VRK2: variants seen among roughly 807,000 people sequenced by gnomAD.
VRK2 encodes serine/threonine-protein kinase VRK2.
VRK2 carries 60 observed loss-of-function variants against 57.6 expected under a neutral mutation model. The observed-to-expected ratio is 1.04, with a 90% CI of 0.85 to 1.29. The LOEUF is 1.29. VRK2 is among the 50% of genes most tolerant of loss of function. The pLI is 0.00. For synonymous variants in VRK2, 231 were observed against 199.2 expected (o/e 1.16, Z -1.35); for missense variants, 705 against 588.1 (o/e 1.20, Z -2.06).
intron 1 of VRK2, among the ~76,000 whole-genome samples, chr2:57,922,223 T>G (rs376558605): frequency 2.3e-3 from 350 of 152,046 alleles, no homozygotes; most frequent in Non-Finnish European, 4.0e-3. Flanking sequence ...GCCTTTAAAT[T>G]GAAAGAAATT....
chr2:57,994,158 T>C (rs1672853984), intron 1 of VRK2, among the ~76,000 whole-genome samples: 1 of 152,162 alleles, frequency 6.6e-6, no homozygotes, highest in African/African-American at 2.4e-5. Context: ...AAAGAAAACT[T>C]TATGGTCATT....
At chr2:57,924,829 T>C (rs1670478401) in intron 1 of VRK2, among the ~76,000 whole-genome samples, 1 of 152,048 alleles carries the variant, frequency 6.6e-6, no homozygotes, top group Admixed American at 6.6e-5. Flanking sequence ...TATGTGATAC[T>C]AACTGTGGGT....
At chr2:58,072,496 G>A (rs1669494498) in intron 2 of VRK2, among the ~76,000 whole-genome samples, 1 of 151,716 alleles carries the variant, frequency 6.6e-6, no homozygotes, top group Non-Finnish European at 1.5e-5. Context: ...TTTGCCAAAT[G>A]GTTTTGTTTT....
chr2:57,957,565 G>GAT (rs1317494594), intron 1 of VRK2, among the ~76,000 whole-genome samples: 2 of 147,198 alleles, frequency 1.4e-5, no homozygotes, highest in African/African-American at 2.5e-5. Context: ...AGTATATGTA[G>GAT]ATATATATAC....
At chr2:57,983,659 TA>T (rs1247402286) in intron 1 of VRK2, among the ~76,000 whole-genome samples, 1 of 152,136 alleles carries the variant, frequency 6.6e-6, no homozygotes, top group Non-Finnish European at 1.5e-5. Flanking sequence ...TTACTGTCAA[TA>T]AGAGGGAATT....
intron 1 of VRK2, among the ~76,000 whole-genome samples, chr2:57,926,975 C>A (rs1243598144): frequency 8.1e-6 from 1 of 124,002 alleles, no homozygotes; most frequent in African/African-American, 2.9e-5. Context: ...AGGTAGTTTT[C>A]TCTGGTAATA....
At chr2:58,067,624 T>G (rs1018307940) in intron 2 of VRK2, among the ~76,000 whole-genome samples, 1 of 152,098 alleles carries the variant, frequency 6.6e-6, no homozygotes, top group African/African-American at 2.4e-5. Flanking sequence ...GTTATTTTCT[T>G]TATAATTTTT....
At chr2:57,956,380 A>G (rs914289873) in intron 1 of VRK2, among the ~76,000 whole-genome samples, 3 of 152,122 alleles carry the variant, frequency 2.0e-5, no homozygotes, top group Admixed American at 6.6e-5. Context: ...GTGAGACCCT[A>G]TCTGTAAAAT....
At chr2:57,943,825 C>G (rs540430635) in intron 1 of VRK2, among the ~76,000 whole-genome samples, 1 of 152,150 alleles carries the variant, frequency 6.6e-6, no homozygotes, top group Admixed American at 6.5e-5. Context: ...TTCTCTGAAA[C>G]AGAGGTCAGC....
At chr2:58,136,631 C>A (rs1043068368) in intron 10 of VRK2, among the ~76,000 whole-genome samples, 18 of 151,672 alleles carry the variant, frequency 1.2e-4, no homozygotes, top group South Asian at 4.2e-4. Context: ...TGATCCCCCC[C>A]ACCTTGCCCT....
intron 7 of VRK2, among the ~76,000 whole-genome samples, chr2:58,118,009 G>A (rs1039250895): frequency 1.2e-4 from 19 of 152,128 alleles, no homozygotes; most frequent in East Asian, 3.9e-4. Flanking sequence ...GTTGGGGAGC[G>A]GAAATAAGGG....
chr2:58,090,961 A>G (rs1442252991), intron 7 of VRK2, among the ~76,000 whole-genome samples: 1 of 152,216 alleles, frequency 6.6e-6, no homozygotes, highest in Non-Finnish European at 1.5e-5. Context: ...TGAAAAGGCT[A>G]GTTACTATAC....
At chr2:57,950,163 C>T (rs1397574556) in intron 1 of VRK2, among the ~76,000 whole-genome samples, 1 of 152,206 alleles carries the variant, frequency 6.6e-6, no homozygotes, top group Non-Finnish European at 1.5e-5. Flanking sequence ...ATAAAGCTAA[C>T]ATTACTGATA....
Position 57,979,192 on chromosome 2 carries a change from T to C in VRK2, c.-438-46473T>C, listed in dbSNP as rs989771199. ...TTGGGTATATACCCAGTAATGGGAT[T>C]GCTGGGTCAAATGGTATTTCTGGTT... is the stretch of plus-strand genomic sequence containing the variant. On this transcript the variant is annotated intron_variant, in intron 1 of 15. Coordinates refer to the VRK2 transcript ENST00000417641. 2.0e-5 allele frequency among the ~76,000 whole-genome samples: 3 copies of C among 151,122 alleles called. 1 individual carries two copies. The highest frequency in any genetic ancestry group is 7.4e-5 in the African/African-American group (3 of 40,438).
intron 1 of VRK2, among the ~76,000 whole-genome samples, chr2:57,924,750 A>T (rs1242722009): frequency 6.6e-6 from 1 of 152,062 alleles, no homozygotes; most frequent in Non-Finnish European, 1.5e-5. Context: ...GTTGAATAAC[A>T]GTGGTGCCAG....
At chr2:57,946,751 T>C (rs924039981) in intron 1 of VRK2, among the ~76,000 whole-genome samples, 1 of 152,182 alleles carries the variant, frequency 6.6e-6, no homozygotes, top group Admixed American at 6.5e-5. Context: ...ATCAATACTT[T>C]CTGTTCAACC....
At position 57,980,608 on chromosome 2, in the gene VRK2, T is replaced by C. The variant is rs578005303; in HGVS notation, c.-438-45057T>C. Among the ~76,000 whole-genome samples the C allele has an allele frequency of 9.8e-5, 15 of 152,328 alleles. No individual in the cohort carries two copies. In the South Asian group the frequency reaches 3.1e-3, roughly 32 times the overall value. On this transcript the variant is annotated intron_variant, in intron 1 of 15. Coordinates refer to the VRK2 transcript ENST00000417641. ...TATCTTTGTAAGTTTTCTGTCCTAA[T>C]GATTTGTCCAACACTGTCAATTTGT...
At chr2:58,058,426 A>G (rs989516994) in intron 2 of VRK2, 1 of 470,504 alleles carries the variant, frequency 2.1e-6, no homozygotes, top group African/African-American at 2.0e-5. Flanking sequence ...ATTTCAAGCA[A>G]GAGCAATCGG....
At chr2:58,116,444 G>A (rs1676503010) in intron 7 of VRK2, among the ~76,000 whole-genome samples, 1 of 151,992 alleles carries the variant, frequency 6.6e-6, no homozygotes, top group East Asian at 1.9e-4. Context: ...GCTTAAAAGA[G>A]TATTGTCTAA....
Sources: allele counts gnomAD v4.1 joint callset (sites outside exome capture counted in the v4.1 genomes callset), GRCh38; gene constraint gnomAD v4.1.1; transcripts MANE v1.5; gene names NCBI Gene and HGNC (gene_info 2026-07-23, HGNC 2026-07-21).